The following P2RX5 variants were observed in gnomAD, a reference collection of about 807,000 sequenced individuals.
P2RX5 encodes purinergic receptor P2X 5, also known as P2X purinoceptor 5.
A neutral mutation model predicts 54.1 loss-of-function variants in P2RX5; 46 were observed. The ratio of observed to expected loss-of-function variants is 0.85; its 90% CI spans 0.67 to 1.09. P2RX5 has a LOEUF of 1.09. Ranked by LOEUF, P2RX5 falls within the 50% of genes least tolerant of loss-of-function variation. The pLI is 0.00. For synonymous variants in P2RX5, 226 were observed against 226.4 expected, an observed-to-expected ratio of 1.00 and a Z score of 0.02; for missense variants, 566 against 549.8, an observed-to-expected ratio of 1.03 and a Z score of -0.29.
intron 10 of P2RX5, 72 bp from the exon 11 acceptor site, chr17:3,679,856 G>T (rs2050190455): frequency 3.0e-6 from 4 of 1,351,990 alleles, no homozygotes; most frequent in African/African-American, 1.4e-5. Flanking sequence ...GGCGGAGTGG[G>T]CCTTGAAGAA....
chr17:3,679,510 G>A, intron 11 of P2RX5, 80 bp downstream of exon 11: 2 of 1,316,184 alleles, frequency 1.5e-6, no homozygotes, highest in East Asian at 2.4e-5. Context: ...CGCTGGAGCT[G>A]CCAGGCATGA....
At chr17:3,710,948 A>C in the P2RX5 span, among the ~76,000 whole-genome samples, 6 of 152,078 alleles carry the variant, frequency 3.9e-5, no homozygotes, top group South Asian at 2.1e-4. Context: ...CAAAACAAAA[A>C]AAACTGCTGT....
At chr17:3,712,872 G>A in the P2RX5 span, among the ~76,000 whole-genome samples, 4 of 152,110 alleles carry the variant, frequency 2.6e-5, no homozygotes, top group Non-Finnish European at 5.9e-5. Flanking sequence ...GAACCCGGGA[G>A]GCGGAGGTTG....
the P2RX5 span, among the ~76,000 whole-genome samples, chr17:3,706,862 G>A: frequency 3.9e-5 from 6 of 152,080 alleles, no homozygotes; most frequent in East Asian, 1.9e-4. Flanking sequence ...CGCCCGCCTC[G>A]GCCTCCCAAA....
upstream of P2RX5, among the ~76,000 whole-genome samples, chr17:3,697,169 G>A (rs575979419): frequency 0.013 from 1,958 of 152,080 alleles, 21 homozygotes; most frequent in Non-Finnish European, 0.022. Context: ...GGTGGGGGCG[G>A]GGAGACACAG....
intron 11 of P2RX5, among the ~76,000 whole-genome samples, chr17:3,678,473 G>T (rs113150485): frequency 0.012 from 1,792 of 152,348 alleles, 21 homozygotes; most frequent in Non-Finnish European, 0.016. Context: ...GAGCTCAAGT[G>T]AGCACCCAGG....
At chr17:3,684,042 C>A (rs909401180) in intron 9 of P2RX5, among the ~76,000 whole-genome samples, 2 of 152,242 alleles carry the variant, frequency 1.3e-5, no homozygotes, top group African/African-American at 4.8e-5. Context: ...ACTGACCACT[C>A]CCATGGCTCT....
At position 3,679,749 on chromosome 17, in the gene P2RX5, T is replaced by C; in HGVS notation, c.1100A>G (p.Glu367Gly). The change falls in exon 11 of 12, where the codon GAG becomes GGG. Residue 367 changes from glutamate (E) to glycine (G), a missense_variant. Glu to Gly is a moderately conservative substitution (Grantham distance 98, BLOSUM62 -2). Transcript: ENST00000225328. ...CTCAGATAGCCCCAGCCCCGATGCC[T>C]CGTCCTCGGCCTCCTGGGAACTGTC... ...LEDSSQEAEDEASGLGLSEQL... is the reference protein window; with the variant it reads ...LEDSSQEAEDGASGLGLSEQL... The C allele has an allele frequency of 1.9e-6, 3 of 1,612,006 alleles. No homozygotes were observed. Among genetic ancestry groups the C allele is most frequent in the Non-Finnish European group, 2.5e-6 (3 of 1,179,802 alleles).
At chr17:3,694,109 A>C (rs1355857212) in intron 1 of P2RX5, among the ~76,000 whole-genome samples, 1 of 151,920 alleles carries the variant, frequency 6.6e-6, no homozygotes, top group Admixed American at 6.6e-5. Context: ...TGATGAATGC[A>C]TGACCACAAT....
chr17:3,689,737 G>A (rs1179433307), intron 6 of P2RX5, 107 bp from the exon 7 acceptor site: 12 of 1,417,526 alleles, frequency 8.5e-6, no homozygotes, highest in African/African-American at 1.4e-5. Context: ...ACAGCTCCCC[G>A]CAGCAACACC....
In P2RX5 at chr17:3,673,580, C is replaced by A; in HGVS notation, c.*288G>T. The A allele has an allele frequency of 7.2e-7, 1 of 1,383,690 alleles. No individual in the cohort carries two copies. The highest frequency in any genetic ancestry group is 9.4e-7 in the Non-Finnish European group (1 of 1,067,782). The allele number at this position is 1,383,690 out of a possible 1,614,324, so 85.7% of individuals were successfully genotyped here. On this transcript the variant is annotated 3_prime_UTR_variant, in exon 12 of 12. Coordinates refer to ENST00000225328, the MANE Select transcript of P2RX5 (RefSeq NM_002561.4). The stretch of plus-strand genomic sequence containing the variant: ...AGGACTCCGGAAGGAAGTCATGTTC[C>A]CCATTTACAACCCGTTCCCTAGTGC...
At chr17:3,706,790 T>G in the P2RX5 span, among the ~76,000 whole-genome samples, 1 of 151,796 alleles carries the variant, frequency 6.6e-6, no homozygotes, top group Non-Finnish European at 1.5e-5. Context: ...TTTTGTATTC[T>G]TAGTGGAGAC....
rs1013241927 is a variant in P2RX5 at position 3,685,631 on chromosome 17, C to T, written c.981+2381G>A. 5 of 164,226 alleles carry T rather than the reference C, an allele frequency of 3.0e-5. 1 individual carries two copies. Among genetic ancestry groups the T allele is most frequent in the East Asian group, 3.3e-4 (2 of 6,024 alleles). The allele number at this position is 164,226 out of a possible 1,614,324, so 10.2% of individuals were successfully genotyped here. A position where few individuals can be genotyped will look rare whatever the true frequency, so the allele number is the denominator to read the frequency against. On this transcript the variant is annotated intron_variant, in intron 9 of 11. Transcript: ENST00000225328. ...AGCGAGGCAGGTTGGACAGCGGGGCCCCCAGGGACCCTCCCAGCGTCCCCC... is the reference window on the plus strand; with the variant it reads ...AGCGAGGCAGGTTGGACAGCGGGGCTCCCAGGGACCCTCCCAGCGTCCCCC...
chr17:3,716,646 A>G, the P2RX5 span: 35 of 1,201,196 alleles, frequency 2.9e-5, no homozygotes, highest in African/African-American at 4.4e-4. Flanking sequence ...CCAAAACTAG[A>G]GCCCAGTCTT....
At position 3,673,515 on chromosome 17, in the gene P2RX5, G is replaced by A. The variant is rs2050029326; in HGVS notation, c.*353C>T. The A allele has an allele frequency of 4.1e-6, 5 of 1,228,152 alleles. No homozygotes were observed. The East Asian group carries it at 2.1e-4, about 51-fold the overall frequency. The allele number at this position is 1,228,152 out of a possible 1,614,324, so 76.1% of individuals were successfully genotyped here. ...TGCTATTCCCAGTGAGGTAATCTAG[G>A]AACTCTACAGGGCACTGCGGTCCTT... On this transcript the variant is annotated 3_prime_UTR_variant, in exon 12 of 12. Coordinates refer to ENST00000225328, the MANE Select transcript of P2RX5 (RefSeq NM_002561.4).
chr17:3,703,474 G>T, the P2RX5 span, among the ~76,000 whole-genome samples: 1 of 152,074 alleles, frequency 6.6e-6, no homozygotes. Context: ...GCTGCAGTGA[G>T]CTGAGATCAT....
the P2RX5 span, among the ~76,000 whole-genome samples, chr17:3,706,894 G>A: frequency 1.3e-5 from 2 of 152,230 alleles, no homozygotes; most frequent in African/African-American, 2.4e-5. Context: ...ACAGGCGTGC[G>A]CCACTGCGCC....
the P2RX5 span, among the ~76,000 whole-genome samples, chr17:3,716,120 G>A: frequency 3.3e-5 from 5 of 151,428 alleles, no homozygotes; most frequent in African/African-American, 1.2e-4. Flanking sequence ...GCAGTGAGCC[G>A]AGATCGCACC....
the P2RX5 span, chr17:3,714,489 G>C: frequency 1.2e-5 from 2 of 166,284 alleles, no homozygotes; most frequent in African/African-American, 4.8e-5. Flanking sequence ...GCCTCCCAAA[G>C]TGCTGGGATT....
Sources: allele counts gnomAD v4.1 joint callset (sites outside exome capture counted in the v4.1 genomes callset), GRCh38; gene constraint gnomAD v4.1.1; transcripts MANE v1.5; gene names NCBI Gene and HGNC (gene_info 2026-07-23, HGNC 2026-07-21).